Variants in DGKB observed in about 807,000 individuals in gnomAD.
DGKB encodes diacylglycerol kinase beta.
DGKB carries 67 observed loss-of-function variants against 114.3 expected under a neutral mutation model. That is an observed-to-expected ratio of 0.59 (90% CI 0.48 to 0.72). The LOEUF is 0.72. Among genes scored for constraint, DGKB ranks in the 30% least tolerant of loss-of-function variants. The probability of loss-of-function intolerance (pLI) is 0.00; values close to 1 mark genes in which losing one functional copy is unlikely to be tolerated. For missense variants in DGKB, 907 were observed against 975.2 expected, an observed-to-expected ratio of 0.93 and a Z score of 0.93; for synonymous variants, 398 against 323.1, an observed-to-expected ratio of 1.23 and a Z score of -2.49.
intron 2 of DGKB, among the ~76,000 whole-genome samples, chr7:14,808,669 C>T (rs1843049053): frequency 6.6e-6 from 1 of 152,050 alleles, no homozygotes; most frequent in South Asian, 2.1e-4. Context: ...CAGGCTGTTA[C>T]AGTAACCCAG....
chr7:14,677,331 GA>G (rs1820046874), intron 12 of DGKB, among the ~76,000 whole-genome samples: 2 of 151,900 alleles, frequency 1.3e-5, no homozygotes, highest in Admixed American at 1.3e-4. Context: ...CTTTTCTAAA[GA>G]AAAATTTGAA....
At chr7:14,750,811 TTTTTTC>T (rs1173364062) in intron 4 of DGKB, among the ~76,000 whole-genome samples, 1 of 135,946 alleles carries the variant, frequency 7.4e-6, no homozygotes, top group East Asian at 2.1e-4. Flanking sequence ...TTTTTTTTTT[TTTTTTC>T]TGAGACAGAG....
At chr7:14,676,418 AAAG>A (rs1472052163) in intron 12 of DGKB, among the ~76,000 whole-genome samples, 2 of 145,570 alleles carry the variant, frequency 1.4e-5, no homozygotes, top group South Asian at 2.1e-4. Flanking sequence ...AAAACAACTA[AAAG>A]AAGGTAATTG....
At chr7:14,935,698 C>G (rs1033779399) in intron 1 of DGKB, among the ~76,000 whole-genome samples, 1 of 152,010 alleles carries the variant, frequency 6.6e-6, no homozygotes, top group Non-Finnish European at 1.5e-5. Context: ...ACCCAAGAAG[C>G]AAGTAACACT....
Position 14,580,951 on chromosome 7 carries a change from T to A in DGKB, c.1520A>T (p.Glu507Val). ...AGGATGCTTGCCTACATTGGCCTTT[T>A]CTGCAGAATAAAAAAAAATACAAAT... Reference protein sequence around the residue: ...GTVGWVLDCIEKANVGKHPPV... With the variant: ...GTVGWVLDCIVKANVGKHPPV... The change falls in exon 19 of 26, where the codon GAA (glutamate) becomes GTA (valine). Residue 507 changes from glutamate (E) to valine (V), a missense_variant and splice_region_variant. Transcript: ENST00000402815. 6.3e-7 allele frequency: 1 copy of A among 1,581,646 alleles called. No homozygotes were observed. Among genetic ancestry groups the A allele is most frequent in the South Asian group, 1.2e-5 (1 of 84,900 alleles).
intron 1 of DGKB, among the ~76,000 whole-genome samples, chr7:14,918,772 A>C (rs1447365898): frequency 2.0e-5 from 3 of 152,114 alleles, no homozygotes; most frequent in Admixed American, 2.0e-4. Flanking sequence ...ATGATTCTTA[A>C]GTTTATATGG....
At chr7:14,530,446 T>C (rs914395248) in intron 20 of DGKB, among the ~76,000 whole-genome samples, 1 of 151,546 alleles carries the variant, frequency 6.6e-6, no homozygotes, top group Non-Finnish European at 1.5e-5. Context: ...GATTGACCTA[T>C]AAATAGTTTT....
In DGKB at chr7:14,146,155, T is replaced by C. The variant is rs1462222661; in HGVS notation, c.*2976A>G. 2 of 152,224 alleles carry C rather than the reference T, an allele frequency of 1.3e-5. No individual in the cohort carries two copies. The highest frequency in any genetic ancestry group is 2.9e-5 in the Non-Finnish European group (2 of 68,030). 9.4% of individuals were successfully genotyped at this position (152,224 alleles called of 1,614,324 possible). On this transcript the variant is annotated 3_prime_UTR_variant, in exon 26 of 26. Coordinates refer to ENST00000402815, the MANE Select transcript of DGKB (RefSeq NM_001350709.2). The stretch of plus-strand genomic sequence containing the variant: ...TTCCACCACAATAAATTGATCAGCA[T>C]TTTCACATGAAATACATGGTGTACA...
chr7:14,688,746 T>A (rs545394213), intron 9 of DGKB, among the ~76,000 whole-genome samples: 1 of 152,320 alleles, frequency 6.6e-6, no homozygotes, highest in South Asian at 2.1e-4. Flanking sequence ...AAGGGATGTT[T>A]CAAAGGAAAT....
At chr7:14,473,334 C>T (rs1781697321) in intron 21 of DGKB, among the ~76,000 whole-genome samples, 1 of 152,162 alleles carries the variant, frequency 6.6e-6, no homozygotes, top group Non-Finnish European at 1.5e-5. Context: ...GCAGCTCCCA[C>T]ATGGTGTTGA....
At chr7:14,251,599 A>G (rs1190165616) in intron 23 of DGKB, among the ~76,000 whole-genome samples, 4 of 151,846 alleles carry the variant, frequency 2.6e-5, no homozygotes, top group African/African-American at 9.7e-5. Flanking sequence ...AGGGAGTTTT[A>G]TTTTTTACTT....
chr7:14,634,947 C>G (rs1453153738), intron 13 of DGKB, among the ~76,000 whole-genome samples: 1 of 151,330 alleles, frequency 6.6e-6, no homozygotes, highest in Non-Finnish European at 1.5e-5. Context: ...TTTATTAAAA[C>G]CTTTAGTAAG....
intron 1 of DGKB, among the ~76,000 whole-genome samples, chr7:14,973,914 CAT>C (rs956387819): frequency 5.4e-5 from 8 of 148,112 alleles, no homozygotes; most frequent in East Asian, 2.0e-4. Context: ...AAATTTAAAA[CAT>C]ATAAATTTAA....
chr7:14,626,679 C>A (rs1163820272), intron 14 of DGKB, among the ~76,000 whole-genome samples: 2 of 152,064 alleles, frequency 1.3e-5, no homozygotes, highest in Non-Finnish European at 2.9e-5. Context: ...AAATTCATTT[C>A]AAAAATGATG....
intron 20 of DGKB, among the ~76,000 whole-genome samples, chr7:14,500,795 G>A (rs983722719): frequency 1.3e-5 from 2 of 151,650 alleles, no homozygotes; most frequent in South Asian, 2.1e-4. Flanking sequence ...AAGTGTTATC[G>A]AGGGCTAGAA....
At chr7:14,576,234 C>A (rs1293056488) in intron 19 of DGKB, among the ~76,000 whole-genome samples, 1 of 151,968 alleles carries the variant, frequency 6.6e-6, no homozygotes, top group Non-Finnish European at 1.5e-5. Context: ...ATGCATATAA[C>A]TGTACTCAGT....
chr7:14,425,166 C>T (rs1225764698), intron 21 of DGKB, among the ~76,000 whole-genome samples: 1 of 152,130 alleles, frequency 6.6e-6, no homozygotes, highest in South Asian at 2.1e-4. Context: ...TCTATCCTCT[C>T]AACAACATAC....
In DGKB at chr7:14,670,310, C is replaced by A. The variant is rs141871877; in HGVS notation, c.1134+2619G>T. 6.4e-4 allele frequency among the ~76,000 whole-genome samples: 97 copies of A among 151,136 alleles called. 1 individual carries two copies. The East Asian group carries it at 0.016, about 25-fold the overall frequency. On this transcript the variant is annotated intron_variant, in intron 13 of 25. Coordinates refer to ENST00000402815, the MANE Select transcript of DGKB (RefSeq NM_001350709.2). ...ATATATATATATATATACACACACACATTTTTTTTTGAGACAGAGTCTCAC... is the reference window on the plus strand; with the variant it reads ...ATATATATATATATATACACACACAAATTTTTTTTTGAGACAGAGTCTCAC...
intron 3 of DGKB, among the ~76,000 whole-genome samples, chr7:14,756,490 C>G (rs1253884316): frequency 1.3e-5 from 2 of 151,502 alleles, no homozygotes; most frequent in East Asian, 3.9e-4. Flanking sequence ...TTTATAGGCA[C>G]CAAATATTAA....
Sources: gnomAD v4.1 joint callset for allele counts (sites outside exome capture counted in the v4.1 genomes callset) on GRCh38, gnomAD v4.1.1 for gene constraint, MANE v1.5 for transcripts, NCBI Gene and HGNC (gene_info 2026-07-23, HGNC 2026-07-21) for gene names.